JADE3: variants seen among roughly 807,000 people sequenced by gnomAD.
JADE3 encodes protein Jade-3.
A neutral mutation model predicts 50.1 loss-of-function variants in JADE3; 2 were observed. That is an observed-to-expected ratio of 0.04 (90% CI 0.02 to 0.13). The LOEUF is 0.13. Ranked by LOEUF, JADE3 falls within the 10% of genes least tolerant of loss-of-function variation. The probability of loss-of-function intolerance (pLI) is 1.00; values close to 1 mark genes in which losing one functional copy is unlikely to be tolerated. For missense variants in JADE3, 475 were observed against 634.4 expected, an observed-to-expected ratio of 0.75 and a Z score of 2.70; for synonymous variants, 218 against 232.9, an observed-to-expected ratio of 0.94 and a Z score of 0.58.
At chrX:46,959,912 GTGAT>G (rs1367415673) in intron 1 of JADE3, among the ~76,000 whole-genome samples, 1 of 111,141 alleles carries the variant, frequency 9.0e-6, no homozygotes, top group Non-Finnish European at 1.9e-5. Context: ...GGGAATCAAA[GTGAT>G]TAATAGCCCT....
At chrX:46,944,824 A>G (rs999532805) in intron 1 of JADE3, among the ~76,000 whole-genome samples, 1 of 110,606 alleles carries the variant, frequency 9.0e-6, no homozygotes, top group Non-Finnish European at 1.9e-5. Context: ...CTATTCATGC[A>G]TATGTATTTT....
At chrX:46,974,301 A>T (rs1927563735) in intron 1 of JADE3, among the ~76,000 whole-genome samples, 1 of 109,890 alleles carries the variant, frequency 9.1e-6, no homozygotes, top group South Asian at 3.9e-4. Flanking sequence ...AGTCCTCGGG[A>T]GGCTGAGACA....
chrX:46,942,589 G>C (rs782268044), intron 1 of JADE3, among the ~76,000 whole-genome samples: 1 of 111,977 alleles, frequency 8.9e-6, no homozygotes, highest in South Asian at 3.7e-4. Flanking sequence ...GTACCATCCT[G>C]TTTTGGTTAT....
chrX:46,954,863 G>A (rs1331937737), intron 1 of JADE3, among the ~76,000 whole-genome samples: 1 of 112,321 alleles, frequency 8.9e-6, no homozygotes, highest in Non-Finnish European at 1.9e-5. Context: ...CCAGAAATAT[G>A]CATTCTTTAA....
intron 3 of JADE3, among the ~76,000 whole-genome samples, chrX:46,991,055 T>TC (rs1927985730): frequency 2.1e-3 from 1 of 479 alleles, no homozygotes; most frequent in Non-Finnish European, 4.9e-3. Flanking sequence ...CCTCCCTCCC[T>TC]CCCTCACTCC....
chrX:47,023,709 C>T (rs782127440), intron 4 of JADE3, among the ~76,000 whole-genome samples: 8 of 111,797 alleles, frequency 7.2e-5, no homozygotes, highest in Non-Finnish European at 1.1e-4. Flanking sequence ...AGTTCGAGAC[C>T]AGCCTGGCCA....
intron 10 of JADE3, 97 bp from the exon 11 acceptor site, chrX:47,058,070 A>C (rs1456703089): frequency 1.4e-6 from 1 of 711,031 alleles, no homozygotes; most frequent in African/African-American, 2.2e-5. Flanking sequence ...TGCTTGTTAA[A>C]CATTTGGAAG....
chrX:47,050,211 G>A (rs1291652112), intron 8 of JADE3, among the ~76,000 whole-genome samples: 4 of 111,715 alleles, frequency 3.6e-5, no homozygotes, highest in African/African-American at 1.3e-4. Flanking sequence ...TGGGATTATA[G>A]GCATGAGCCA....
intron 3 of JADE3, among the ~76,000 whole-genome samples, chrX:46,995,428 G>T (rs1277058472): frequency 9.0e-6 from 1 of 111,036 alleles, no homozygotes; most frequent in Non-Finnish European, 1.9e-5. Flanking sequence ...CAACTATTTT[G>T]GTAACTTTTC....
At chrX:47,049,181 C>T (rs376115563) in intron 8 of JADE3, among the ~76,000 whole-genome samples, 2 of 77,546 alleles carry the variant, frequency 2.6e-5, no homozygotes, top group African/African-American at 5.2e-5. Context: ...CTTTCTTCTT[C>T]TTTTTTTTTT....
At chrX:46,996,908 T>A (rs1556357529) in intron 3 of JADE3, among the ~76,000 whole-genome samples, 2 of 112,258 alleles carry the variant, frequency 1.8e-5, no homozygotes, top group Admixed American at 1.9e-4. Context: ...GCAATATGTT[T>A]TCAGGTTAGG....
intron 1 of JADE3, among the ~76,000 whole-genome samples, chrX:46,923,641 C>T (rs986773551): frequency 1.8e-5 from 2 of 108,388 alleles, no homozygotes. Context: ...TCTTGAATTT[C>T]TAGGTTCAAG....
chrX:47,033,638 C>T lies in JADE3; in HGVS notation c.705C>T (p.Leu235=), dbSNP rs781986751. ...VCVHQACYGI[L]KVPEGSWLCR... ...ACCTCCAGGCCTGCTATGGCATCCTCAAGGTCCCAGAAGGCAGCTGGCTGT... is the reference window on the plus strand; with the variant it reads ...ACCTCCAGGCCTGCTATGGCATCCTTAAGGTCCCAGAAGGCAGCTGGCTGT... The change falls in exon 7 of 11, where the codon CTC becomes CTT. Residue 235 remains leucine, a synonymous_variant. Coordinates refer to ENST00000614628, the MANE Select transcript of JADE3 (RefSeq NM_014735.5). The T allele has an allele frequency of 8.3e-6, 10 of 1,205,447 alleles. No individual in the cohort carries two copies. Among genetic ancestry groups the T allele is most frequent in the South Asian group, 7.2e-5 (4 of 55,786 alleles).
intron 8 of JADE3, among the ~76,000 whole-genome samples, 154 bp downstream of exon 8, chrX:47,039,219 C>CT (rs1324023790): frequency 1.8e-5 from 2 of 111,101 alleles, no homozygotes; most frequent in Non-Finnish European, 3.8e-5. Flanking sequence ...CTGGAAATCC[C>CT]TTTTTTGGAT....
At chrX:46,997,828 T>A (rs927045656) in intron 3 of JADE3, among the ~76,000 whole-genome samples, 2 of 112,604 alleles carry the variant, frequency 1.8e-5, no homozygotes, top group African/African-American at 6.4e-5. Flanking sequence ...AGTTAAGGAT[T>A]GTTTTATACA....
intron 1 of JADE3, among the ~76,000 whole-genome samples, chrX:46,965,606 A>T (rs1219313695): frequency 9.0e-6 from 1 of 111,365 alleles, no homozygotes; most frequent in Non-Finnish European, 1.9e-5. Flanking sequence ...GCTGTGCCTT[A>T]TAAGGATAAG....
At position 47,058,424 on chromosome X, in the gene JADE3, G is replaced by A. The variant is rs782212639; in HGVS notation, c.1819G>A (p.Ala607Thr). ...PLESKNNRLL[A>T]SLSHSRSEAK... is the part of the protein sequence containing the mutation. ...AGAGAGCAAGAATAACCGTTTGCTGGCCAGTCTCAGCCATTCTAGGAGTGA... is the reference window on the plus strand; with the variant it reads ...AGAGAGCAAGAATAACCGTTTGCTGACCAGTCTCAGCCATTCTAGGAGTGA... The change falls in exon 11 of 11, where the codon GCC becomes ACC. Residue 607 changes from alanine to threonine, a missense_variant. Physicochemically the swap from Ala to Thr is moderately conservative, Grantham distance 58. Transcript: ENST00000614628. 9.1e-6 allele frequency: 11 copies of A among 1,211,164 alleles called. No homozygotes were observed. The Admixed American group carries it at 2.4e-4, about 26-fold the overall frequency.
intron 1 of JADE3, among the ~76,000 whole-genome samples, chrX:46,966,974 A>G (rs1452580694): frequency 1.8e-5 from 2 of 112,358 alleles, no homozygotes; most frequent in East Asian, 5.6e-4. Context: ...TGGTCACTGG[A>G]GTAGTCAAGC....
chrX:47,015,232 G>A (rs1928644182), intron 4 of JADE3, among the ~76,000 whole-genome samples: 1 of 112,311 alleles, frequency 8.9e-6, no homozygotes. Context: ...TCTGCTGATG[G>A]AAATCTCACT....
Sources: gnomAD v4.1 joint callset for allele counts (sites outside exome capture counted in the v4.1 genomes callset) on GRCh38, gnomAD v4.1.1 for gene constraint, MANE v1.5 for transcripts, NCBI Gene and HGNC (gene_info 2026-07-23, HGNC 2026-07-21) for gene names.